Variants in RASGRP3 observed in about 807,000 individuals in gnomAD.
The protein encoded by RASGRP3 is ras guanyl-releasing protein 3.
A neutral mutation model predicts 82.7 loss-of-function variants in RASGRP3; 54 were observed. That is an observed-to-expected ratio of 0.65 (90% CI 0.52 to 0.82). The LOEUF (loss-of-function observed/expected upper bound fraction) is 0.82, where lower values mean the gene tolerates loss of function less well. RASGRP3 is among the 40% of genes least tolerant of loss of function. RASGRP3 has a pLI of 0.00. For synonymous variants in RASGRP3, 309 were observed against 300.5 expected, an observed-to-expected ratio of 1.03 and a Z score of -0.29; for missense variants, 861 against 828.9, an observed-to-expected ratio of 1.04 and a Z score of -0.48.
At chr2:33,442,358 C>T (rs778075810) in intron 1 of RASGRP3, among the ~76,000 whole-genome samples, 9 of 152,194 alleles carry the variant, frequency 5.9e-5, no homozygotes, top group South Asian at 2.1e-4. Flanking sequence ...AGCGAGACTA[C>T]GTCTCGAAAA....
At chr2:33,507,194 A>C (rs1296500284) in intron 1 of RASGRP3, among the ~76,000 whole-genome samples, 1 of 152,198 alleles carries the variant, frequency 6.6e-6, no homozygotes, top group Admixed American at 6.5e-5. Flanking sequence ...TCAGGAATTC[A>C]GACCATCCTG....
intron 1 of RASGRP3, among the ~76,000 whole-genome samples, chr2:33,446,379 G>C (rs1308477933): frequency 2.0e-5 from 3 of 152,090 alleles, no homozygotes; most frequent in South Asian, 2.1e-4. Context: ...GGATGGTCTC[G>C]ATCTCCTGAC....
intron 12 of RASGRP3, 54 bp from the exon 13 acceptor site, chr2:33,543,458 A>T (rs748578418): frequency 4.4e-6 from 5 of 1,145,484 alleles, no homozygotes; most frequent in Non-Finnish European, 6.3e-6. Context: ...TTGCAATAAC[A>T]AGTTCAGAGC....
chr2:33,538,820 C>G (rs1427724570), intron 11 of RASGRP3, among the ~76,000 whole-genome samples: 3 of 152,058 alleles, frequency 2.0e-5, no homozygotes, highest in African/African-American at 4.8e-5. Context: ...CGGAGAATTG[C>G]TTGAGCCCAG....
chr2:33,437,790 T>C (rs112814448), intron 1 of RASGRP3, among the ~76,000 whole-genome samples: 1 of 151,702 alleles, frequency 6.6e-6, no homozygotes, highest in African/African-American at 2.4e-5. Flanking sequence ...TATGTTTGAA[T>C]AGAAAGATCA....
upstream of RASGRP3, among the ~76,000 whole-genome samples, chr2:33,473,764 G>T (rs1667198443): frequency 6.6e-6 from 1 of 152,116 alleles, no homozygotes; most frequent in South Asian, 2.1e-4. Context: ...GAGGATTGAG[G>T]ATCCATCCCT....
In RASGRP3 at chr2:33,563,362, A is replaced by T. The variant is rs1676901488; in HGVS notation, c.*625A>T. On this transcript the variant is annotated 3_prime_UTR_variant, in exon 18 of 18. Transcript: ENST00000403687. ...AGGAGAAACTGTTTACATCCTTCCC[A>T]CTACACAGTTGCTATGATATGTAAC... The T allele has an allele frequency of 6.6e-6, 1 of 152,462 alleles. No homozygotes were observed. Among genetic ancestry groups the T allele is most frequent in the Non-Finnish European group, 1.5e-5 (1 of 68,318 alleles). 9.4% of individuals were successfully genotyped at this position (152,462 alleles called of 1,614,324 possible).
chr2:33,539,221 G>C lies in RASGRP3; in HGVS notation c.1278+11G>C, dbSNP rs1673980452. 6.4e-7 allele frequency: 1 copy of C among 1,566,002 alleles called. No individual in the cohort carries two copies. Among genetic ancestry groups the C allele is most frequent in the Admixed American group, 1.8e-5 (1 of 56,162 alleles). The stretch of plus-strand genomic sequence containing the variant: ...AGGAAATTAGTGGAGGTAAGTGGTT[G>C]AGGGAGAATAAAGAGAGGGCACTAG... On this transcript the variant is annotated intron_variant, in intron 12 of 17. Transcript: ENST00000403687.
Position 33,461,195 on chromosome 2 carries a change from C to T in RASGRP3, c.-261+13252C>T, listed in dbSNP as rs12612756. On this transcript the variant is annotated intron_variant, in intron 2 of 18. Coordinates refer to the RASGRP3 transcript ENST00000402538. ...TATCTATTACTTTTTATTCATGAGACTGGCAATCACAAAGATGAGCTTTGA... is the reference window on the plus strand; with the variant it reads ...TATCTATTACTTTTTATTCATGAGATTGGCAATCACAAAGATGAGCTTTGA... Among the ~76,000 whole-genome samples, 1,582 of 152,332 alleles carry T rather than the reference C, an allele frequency of 0.01. 61 individuals carry two copies. In the East Asian group the frequency reaches 0.14, roughly 13 times the overall value.
intron 13 of RASGRP3, among the ~76,000 whole-genome samples, chr2:33,547,605 T>C (rs1365371642): frequency 1.3e-5 from 2 of 152,020 alleles, no homozygotes; most frequent in Non-Finnish European, 2.9e-5. Flanking sequence ...TCTAGCAAGT[T>C]GTCAAAGATG....
In RASGRP3 at chr2:33,443,816, G is replaced by A. The variant is rs139338110; in HGVS notation, c.-384-4004G>A. Among the ~76,000 whole-genome samples the A allele has an allele frequency of 3.2e-3, 488 of 151,126 alleles. 3 individuals are homozygous for A. The highest frequency in any genetic ancestry group is 0.011 in the African/African-American group (462 of 41,182). On this transcript the variant is annotated intron_variant, in intron 1 of 18. Coordinates refer to the RASGRP3 transcript ENST00000402538. ...ACATTGTTTGAGCCCAGTTGTTCAA[G>A]TCTACAGTGAGCTATGATCACACCA...
upstream of RASGRP3, among the ~76,000 whole-genome samples, chr2:33,474,063 C>G (rs993210227): frequency 6.6e-6 from 1 of 152,100 alleles, no homozygotes; most frequent in East Asian, 1.9e-4. Flanking sequence ...GATGGTCATG[C>G]TCCCTTGACT....
intron 17 of RASGRP3, among the ~76,000 whole-genome samples, chr2:33,561,870 C>G (rs1403811563): frequency 6.6e-6 from 1 of 152,152 alleles, no homozygotes; most frequent in Non-Finnish European, 1.5e-5. Context: ...CATGTCAGAA[C>G]AGTTCAAGAT....
chr2:33,462,658 G>A (rs111939854), intron 2 of RASGRP3, among the ~76,000 whole-genome samples: 12 of 152,306 alleles, frequency 7.9e-5, no homozygotes, highest in African/African-American at 2.4e-4. Context: ...GATTACAGGC[G>A]TGAGCCACTG....
chr2:33,505,147 T>C, intron 1 of RASGRP3, among the ~76,000 whole-genome samples: 1 of 147,582 alleles, frequency 6.8e-6, no homozygotes, highest in Non-Finnish European at 1.5e-5. Flanking sequence ...ATCATCATCA[T>C]CATCATCACC....
At position 33,520,020 on chromosome 2, in the gene RASGRP3, T is replaced by C. The variant is rs1259609260; in HGVS notation, c.236+6T>C. On this transcript the variant is annotated splice_donor_region_variant and intron_variant, in intron 5 of 17. Coordinates refer to ENST00000403687, the MANE Select transcript of RASGRP3 (RefSeq NM_001139488.2). ...AAGATCTGCTACTTCATGAGGTAAA[T>C]ATATTTACAAATTTAATTTCTTGTA... The C allele has an allele frequency of 5.7e-6, 9 of 1,587,082 alleles. No homozygotes were observed. The highest frequency in any genetic ancestry group is 7.7e-6 in the Non-Finnish European group (9 of 1,163,236).
At chr2:33,525,981 C>A (rs1464122161) in intron 9 of RASGRP3, among the ~76,000 whole-genome samples, 3 of 152,182 alleles carry the variant, frequency 2.0e-5, no homozygotes, top group Non-Finnish European at 4.4e-5. Context: ...CTGTTTCTCT[C>A]CTAATTGGGC....
intron 1 of RASGRP3, among the ~76,000 whole-genome samples, chr2:33,506,571 C>T (rs913581434): frequency 2.0e-5 from 3 of 152,088 alleles, no homozygotes; most frequent in Non-Finnish European, 2.9e-5. Context: ...TTCTAAAATC[C>T]AGGACAATGT....
Position 33,563,788 on chromosome 2 carries a change from T to C in RASGRP3, c.*1051T>C, listed in dbSNP as rs1207563852. 1.3e-5 allele frequency: 2 copies of C among 152,194 alleles called. No homozygotes were observed. The highest frequency in any genetic ancestry group is 2.9e-5 in the Non-Finnish European group (2 of 68,032). 9.4% of individuals were successfully genotyped at this position (152,194 alleles called of 1,614,324 possible). ...AATACTCATAGAAAGAAAATAATCA[T>C]AAATCATATTTGATTAACATTTCAT... On this transcript the variant is annotated 3_prime_UTR_variant, in exon 18 of 18. Transcript: ENST00000403687.
Sources: gnomAD v4.1 joint callset for allele counts (sites outside exome capture counted in the v4.1 genomes callset) on GRCh38, gnomAD v4.1.1 for gene constraint, MANE v1.5 for transcripts, NCBI Gene and HGNC (gene_info 2026-07-23, HGNC 2026-07-21) for gene names.